GRIP1: variants seen among roughly 807,000 people sequenced by gnomAD.
The protein encoded by GRIP1 is glutamate receptor-interacting protein 1.
In GRIP1, 45 loss-of-function variants were observed where a neutral mutation model predicts 129.9. The ratio of observed to expected loss-of-function variants is 0.35; its 90% confidence interval spans 0.27 to 0.44. The LOEUF (loss-of-function observed/expected upper bound fraction) is 0.44, where lower values mean the gene tolerates loss of function less well. GRIP1 is among the 20% of genes least tolerant of loss of function. GRIP1 has a pLI of 1.00. For synonymous variants in GRIP1, 530 were observed against 520.8 expected (o/e 1.02, Z -0.24); for missense variants, 1,196 against 1,396.8 (o/e 0.86, Z 2.29).
At chr12:66,810,060 C>T (rs2039073691) in intron 1 of GRIP1, among the ~76,000 whole-genome samples, 1 of 152,174 alleles carries the variant, frequency 6.6e-6, no homozygotes, top group Non-Finnish European at 1.5e-5. Context: ...TAAATCCTTG[C>T]AACCACTTCT....
intron 19 of GRIP1, 138 bp from the exon 20 acceptor site, chr12:66,379,574 G>T: frequency 1.1e-6 from 1 of 882,384 alleles, no homozygotes; most frequent in Non-Finnish European, 1.9e-6. Flanking sequence ...TGTGCTTATT[G>T]TGCACCAAAG....
At chr12:66,858,261 G>T (rs1055226827) in intron 1 of GRIP1, among the ~76,000 whole-genome samples, 1 of 151,660 alleles carries the variant, frequency 6.6e-6, no homozygotes, top group African/African-American at 2.4e-5. Flanking sequence ...CTAAAACAAC[G>T]CTATAAAAGT....
At chr12:66,537,436 G>A (rs1437719270) in intron 4 of GRIP1, among the ~76,000 whole-genome samples, 1 of 151,730 alleles carries the variant, frequency 6.6e-6, no homozygotes, top group Non-Finnish European at 1.5e-5. Flanking sequence ...AAAATCTGTT[G>A]GCTACTGCTG....
chr12:66,538,991 T>C, intron 4 of GRIP1, 87 bp downstream of exon 4: 1 of 1,090,802 alleles, frequency 9.2e-7, no homozygotes, highest in Non-Finnish European at 1.4e-6. Flanking sequence ...CTGATATATA[T>C]AGGGTTTGGT....
At chr12:66,950,605 T>C (rs1257365943) in intron 1 of GRIP1, among the ~76,000 whole-genome samples, 1 of 152,044 alleles carries the variant, frequency 6.6e-6, no homozygotes, top group Non-Finnish European at 1.5e-5. Flanking sequence ...GATGACAGAA[T>C]AGAAACCAGT....
At chr12:67,052,474 A>T (rs896539215) in intron 1 of GRIP1, among the ~76,000 whole-genome samples, 1 of 152,142 alleles carries the variant, frequency 6.6e-6, no homozygotes, top group Non-Finnish European at 1.5e-5. Flanking sequence ...AAATCTTTAC[A>T]ACAGGCCGGG....
At chr12:66,485,337 C>T (rs779608752) in intron 7 of GRIP1, among the ~76,000 whole-genome samples, 7 of 151,806 alleles carry the variant, frequency 4.6e-5, no homozygotes, top group South Asian at 2.1e-4. Context: ...TCTTTTGTGA[C>T]GTGTCTGATC....
intron 1 of GRIP1, among the ~76,000 whole-genome samples, chr12:66,608,695 T>C (rs1374234349): frequency 6.6e-6 from 1 of 152,138 alleles, no homozygotes; most frequent in Non-Finnish European, 1.5e-5. Flanking sequence ...TTTACTGTAC[T>C]GCATAGCTCT....
intron 1 of GRIP1, among the ~76,000 whole-genome samples, chr12:66,733,635 C>T (rs1030406502): frequency 3.9e-5 from 6 of 152,082 alleles, no homozygotes; most frequent in Non-Finnish European, 4.4e-5. Flanking sequence ...GGGCCACCAA[C>T]CTGTAAAATT....
At chr12:66,587,728 A>G (rs2063694236) in intron 2 of GRIP1, among the ~76,000 whole-genome samples, 2 of 152,218 alleles carry the variant, frequency 1.3e-5, no homozygotes, top group Non-Finnish European at 2.9e-5. Flanking sequence ...GATGGGCCAG[A>G]GCAAAAAGGA....
intron 1 of GRIP1, among the ~76,000 whole-genome samples, chr12:67,064,735 G>A (rs1378307337): frequency 6.6e-6 from 1 of 152,134 alleles, no homozygotes; most frequent in African/African-American, 2.4e-5. Flanking sequence ...TAAGCTCCCT[G>A]TGCTTTCTCA....
chr12:66,668,439 C>T (rs968531879), intron 1 of GRIP1, among the ~76,000 whole-genome samples: 1 of 152,190 alleles, frequency 6.6e-6, no homozygotes, highest in African/African-American at 2.4e-5. Context: ...TTTTGTCATG[C>T]AGAATTAACA....
intron 19 of GRIP1, among the ~76,000 whole-genome samples, chr12:66,390,325 G>A (rs1322673398): frequency 1.3e-5 from 2 of 152,164 alleles, no homozygotes; most frequent in African/African-American, 4.8e-5. Flanking sequence ...AAACTCTAGA[G>A]TGTTCTATAT....
chr12:66,845,227 C>T (rs1488949166), intron 1 of GRIP1, among the ~76,000 whole-genome samples: 3 of 151,778 alleles, frequency 2.0e-5, no homozygotes, highest in Admixed American at 6.6e-5. Flanking sequence ...GAGGTCAAGG[C>T]GGGTGGACCA....
At chr12:66,478,820 A>C (rs2041815056) in intron 7 of GRIP1, among the ~76,000 whole-genome samples, 1 of 152,152 alleles carries the variant, frequency 6.6e-6, no homozygotes, top group African/African-American at 2.4e-5. Flanking sequence ...ATAGGTGGGA[A>C]CTGAACAATG....
At chr12:66,431,548 G>A (rs1429958456) in intron 14 of GRIP1, among the ~76,000 whole-genome samples, 1 of 152,120 alleles carries the variant, frequency 6.6e-6, no homozygotes, top group Non-Finnish European at 1.5e-5. Flanking sequence ...CTGCCCAATT[G>A]AGAACTTTTA....
At chr12:66,572,834 T>C (rs1394018339) in intron 2 of GRIP1, among the ~76,000 whole-genome samples, 1 of 152,172 alleles carries the variant, frequency 6.6e-6, no homozygotes, top group African/African-American at 2.4e-5. Context: ...AAACTTTATA[T>C]GCAGTAGGCC....
At chr12:66,420,550 T>C (rs1592823546) in intron 15 of GRIP1, among the ~76,000 whole-genome samples, 170 bp downstream of exon 15, 1 of 152,070 alleles carries the variant, frequency 6.6e-6, no homozygotes, top group South Asian at 2.1e-4. Flanking sequence ...AAGAGATCTA[T>C]GGAGCCACTG....
intron 9 of GRIP1, 91 bp downstream of exon 9, chr12:66,462,833 A>T: frequency 4.0e-5 from 29 of 732,676 alleles, no homozygotes; most frequent in Non-Finnish European, 6.2e-5. Context: ...AGGCAGAATG[A>T]GACCCAGTGT....
Sources: gnomAD v4.1 joint callset for allele counts (sites outside exome capture counted in the v4.1 genomes callset) on GRCh38, gnomAD v4.1.1 for gene constraint, MANE v1.5 for transcripts, NCBI Gene and HGNC (gene_info 2026-07-23, HGNC 2026-07-21) for gene names.